The following NMNAT2 variants were observed in gnomAD, a reference collection of about 807,000 sequenced individuals.
NMNAT2 encodes nicotinamide/nicotinic acid mononucleotide adenylyltransferase 2.
NMNAT2 carries 11 observed loss-of-function variants against 41.6 expected under a neutral mutation model. The ratio of observed to expected loss-of-function variants is 0.26; its 90% CI spans 0.17 to 0.44. NMNAT2 has a LOEUF of 0.44. Among genes scored for constraint, NMNAT2 ranks in the 20% least tolerant of loss-of-function variants. The pLI is 1.00. For synonymous variants in NMNAT2, 148 were observed against 151.2 expected (o/e 0.98, Z 0.16); for missense variants, 288 against 407.7 (o/e 0.71, Z 2.53).
intron 1 of NMNAT2, among the ~76,000 whole-genome samples, chr1:183,326,720 CTG>C (rs1662472137): frequency 6.6e-6 from 1 of 152,052 alleles, no homozygotes. Context: ...GCACCCTGGG[CTG>C]TGAGGAGAAT....
intron 1 of NMNAT2, among the ~76,000 whole-genome samples, chr1:183,299,284 G>A (rs902442291): frequency 1.3e-5 from 2 of 152,114 alleles, no homozygotes; most frequent in African/African-American, 4.8e-5. Context: ...GCTGAGGTGG[G>A]AGGATTGCTT....
intron 8 of NMNAT2, among the ~76,000 whole-genome samples, chr1:183,268,749 G>C (rs1461999898): frequency 6.6e-6 from 1 of 152,124 alleles, no homozygotes; most frequent in Non-Finnish European, 1.5e-5. Context: ...ATATAAATAA[G>C]AAAACATCAT....
chr1:183,294,725 G>T (rs1282052048), intron 1 of NMNAT2, among the ~76,000 whole-genome samples: 2 of 152,194 alleles, frequency 1.3e-5, no homozygotes, highest in South Asian at 2.1e-4. Flanking sequence ...GGGCAGCAGA[G>T]ATTGCAGTGA....
chr1:183,279,828 G>T (rs1661214689), intron 7 of NMNAT2, among the ~76,000 whole-genome samples: 1 of 152,220 alleles, frequency 6.6e-6, no homozygotes, highest in African/African-American at 2.4e-5. Context: ...CCTGCATCCT[G>T]TCTTCTCTCC....
chr1:183,286,252 T>TATG (rs980171415), intron 5 of NMNAT2, among the ~76,000 whole-genome samples: 8 of 151,374 alleles, frequency 5.3e-5, no homozygotes, highest in South Asian at 2.1e-4. Context: ...TTGTTATTGT[T>TATG]ATTATTATTA....
chr1:183,303,425 T>C lies in NMNAT2; in HGVS notation c.86-9632A>G, dbSNP rs12037899. On this transcript the variant is annotated intron_variant, in intron 1 of 10. Coordinates refer to ENST00000287713, the MANE Select transcript of NMNAT2 (RefSeq NM_015039.4). ...CAACTGTGTAAGTTGTTAGGTGATA[T>C]AATCACTATTTTCCAAATAAGGAAG... Among the ~76,000 whole-genome samples, 337 of 152,332 alleles carry C rather than the reference T, an allele frequency of 2.2e-3. 7 individuals carry two copies. In the East Asian group the frequency reaches 0.058, roughly 26 times the overall value.
In NMNAT2 at chr1:183,389,820, GAAAGAAAGAAAGAAAGAAA is replaced by G. The variant is rs1648406388; in HGVS notation, c.85+28344_85+28362del. ...AGAAAGAAAGAAAGAAAGAAAGAAA[GAAAGAAAGAAAGAAAGAAA>G]GAAAGGAAAAAAGAGAAAGAAAGAA... On this transcript the variant is annotated intron_variant, in intron 1 of 10. Transcript: ENST00000287713. Among the ~76,000 whole-genome samples, 4 of 55,220 alleles carry G rather than the reference GAAAGAAAGAAAGAAAGAAA, an allele frequency of 7.2e-5. 1 individual carries two copies. The highest frequency in any genetic ancestry group is 2.4e-4 in the African/African-American group (4 of 16,346). 36.2% of individuals were successfully genotyped at this position (55,220 alleles called of 152,430 possible).
chr1:183,379,092 A>ATCTGTATCTAT (rs142685154), intron 1 of NMNAT2, among the ~76,000 whole-genome samples: 1 of 115,246 alleles, frequency 8.7e-6, no homozygotes, highest in African/African-American at 3.1e-5. Context: ...CTATATCTAT[A>ATCTGTATCTAT]ATCTATAATC....
chr1:183,265,664 A>G (rs997305301), intron 8 of NMNAT2, among the ~76,000 whole-genome samples: 4 of 152,136 alleles, frequency 2.6e-5, no homozygotes, highest in African/African-American at 7.2e-5. Context: ...AGTTAGTCCA[A>G]TGGACTCTAC....
chr1:183,301,288 G>A (rs1661844795), intron 1 of NMNAT2, among the ~76,000 whole-genome samples: 2 of 152,184 alleles, frequency 1.3e-5, no homozygotes, highest in African/African-American at 2.4e-5. Flanking sequence ...ACTAAAGACA[G>A]GTGGAGCAGC....
intron 1 of NMNAT2, among the ~76,000 whole-genome samples, chr1:183,312,738 A>C (rs977893636): frequency 6.6e-6 from 1 of 152,294 alleles, no homozygotes; most frequent in South Asian, 2.1e-4. Context: ...TCTTTCCAGC[A>C]GTAAGATTTT....
In NMNAT2 at chr1:183,418,176, G is replaced by T. The variant is rs200077910; in HGVS notation, c.85+7C>A. ...AGCGGCTTCCAGAGGTGGGCGGGAG[G>T]ACTCACCAAACATCTGAATGTGCCC... On this transcript the variant is annotated splice_region_variant and intron_variant, in intron 1 of 10. Coordinates refer to ENST00000287713, the MANE Select transcript of NMNAT2 (RefSeq NM_015039.4). The T allele has an allele frequency of 1.2e-6, 2 of 1,612,952 alleles. No homozygotes were observed. Among genetic ancestry groups the T allele is most frequent in the South Asian group, 2.2e-5 (2 of 91,056 alleles).
intron 1 of NMNAT2, among the ~76,000 whole-genome samples, chr1:183,352,634 T>C (rs1663089475): frequency 6.6e-6 from 1 of 151,886 alleles, no homozygotes; most frequent in Admixed American, 6.6e-5. Flanking sequence ...ATATCCACCA[T>C]TATAAAATGC....
intron 10 of NMNAT2, among the ~76,000 whole-genome samples, chr1:183,258,144 G>C (rs1379619603): frequency 1.3e-5 from 2 of 152,178 alleles, no homozygotes; most frequent in East Asian, 3.8e-4. Flanking sequence ...AGGTATAAAG[G>C]ACTCCAGTGA....
At chr1:183,280,815 G>A (rs1357384716) in intron 7 of NMNAT2, among the ~76,000 whole-genome samples, 4 of 95,878 alleles carry the variant, frequency 4.2e-5, no homozygotes, top group Non-Finnish European at 5.6e-5. Context: ...ATGGAGTTTC[G>A]CTCTTGTTGC....
At chr1:183,414,057 C>T (rs1304647035) in intron 1 of NMNAT2, among the ~76,000 whole-genome samples, 1 of 152,192 alleles carries the variant, frequency 6.6e-6, no homozygotes, top group Non-Finnish European at 1.5e-5. Context: ...CTCTGTCAGG[C>T]ATTAGACCTC....
rs201994443 is a variant in NMNAT2 at position 183,251,265 on chromosome 1, A to C, written c.*1376T>G. On this transcript the variant is annotated 3_prime_UTR_variant, in exon 11 of 11. Coordinates refer to ENST00000287713, the MANE Select transcript of NMNAT2 (RefSeq NM_015039.4). The stretch of plus-strand genomic sequence containing the variant: ...GCTCCCAGGCTCTGCAGGGGCTAGA[A>C]CCAACCACAGAAACAAGACCAAGGC... 3 of 152,288 alleles carry C rather than the reference A, an allele frequency of 2.0e-5. No homozygotes were observed. The highest frequency in any genetic ancestry group is 4.4e-5 in the Non-Finnish European group (3 of 68,106). 9.4% of individuals were successfully genotyped at this position (152,288 alleles called of 1,614,324 possible).
chr1:183,363,002 T>A (rs1663337731), intron 1 of NMNAT2, among the ~76,000 whole-genome samples: 1 of 152,216 alleles, frequency 6.6e-6, no homozygotes, highest in Admixed American at 6.5e-5. Flanking sequence ...GGGCGTGAAG[T>A]GGTATCTCAC....
intron 10 of NMNAT2, 95 bp from the exon 11 acceptor site, chr1:183,252,838 G>T (rs1660427610): frequency 1.2e-5 from 11 of 883,564 alleles, no homozygotes; most frequent in Admixed American, 1.9e-5. Context: ...CCCATTTGTA[G>T]CCTTTTCTCA....
Sources: allele counts gnomAD v4.1 joint callset (sites outside exome capture counted in the v4.1 genomes callset), GRCh38; gene constraint gnomAD v4.1.1; transcripts MANE v1.5; gene names NCBI Gene and HGNC (gene_info 2026-07-23, HGNC 2026-07-21).